The following RFX3 variants were observed in gnomAD, a reference collection of about 807,000 sequenced individuals.
The protein encoded by RFX3 is regulatory factor X3, also known as transcription factor RFX3.
In RFX3, 14 loss-of-function variants were observed where a neutral mutation model predicts 98.6. The observed-to-expected ratio is 0.14, with a 90% CI of 0.09 to 0.22. The LOEUF is 0.22. Among genes scored for constraint, RFX3 ranks in the 10% least tolerant of loss-of-function variants. The pLI is 1.00. For synonymous variants in RFX3, 383 were observed against 328.4 expected (o/e 1.17, Z -1.80); for missense variants, 639 against 926.9 (o/e 0.69, Z 4.03).
intron 4 of RFX3, among the ~76,000 whole-genome samples, chr9:3,325,092 A>G (rs935042867): frequency 3.3e-5 from 5 of 152,192 alleles, no homozygotes. Flanking sequence ...TGAATGTGCA[A>G]CTTAAGAATG....
intron 1 of RFX3, among the ~76,000 whole-genome samples, chr9:3,425,209 A>T (rs1843896379): frequency 6.6e-6 from 1 of 152,240 alleles, no homozygotes; most frequent in Admixed American, 6.5e-5. Context: ...ACTGCCCGCC[A>T]GCCTGGCAAC....
intron 1 of RFX3, among the ~76,000 whole-genome samples, chr9:3,446,599 T>A (rs1846074094): frequency 6.6e-6 from 1 of 151,440 alleles, no homozygotes; most frequent in African/African-American, 2.4e-5. Flanking sequence ...ATAATGAGAC[T>A]TCAAAAAAAA....
intron 5 of RFX3, among the ~76,000 whole-genome samples, chr9:3,295,114 T>G (rs992365277): frequency 1.3e-5 from 2 of 152,034 alleles, no homozygotes; most frequent in African/African-American, 2.4e-5. Context: ...ACATATTCAT[T>G]TAGTATAAAA....
intron 1 of RFX3, among the ~76,000 whole-genome samples, chr9:3,402,211 C>A (rs1841543032): frequency 6.6e-6 from 1 of 152,102 alleles, no homozygotes; most frequent in South Asian, 2.1e-4. Context: ...GTCTTTCATC[C>A]TGAAATAATT....
intron 1 of RFX3, among the ~76,000 whole-genome samples, chr9:3,452,961 G>A (rs977767414): frequency 1.4e-4 from 21 of 152,232 alleles, no homozygotes; most frequent in African/African-American, 4.1e-4. Context: ...TACCATAGCA[G>A]TCTTGGAATC....
At chr9:3,338,240 T>C (rs561603684) in intron 3 of RFX3, among the ~76,000 whole-genome samples, 6 of 152,376 alleles carry the variant, frequency 3.9e-5, no homozygotes, top group African/African-American at 1.2e-4. Context: ...CTTTCACTTA[T>C]ATTCAAAAGA....
chr9:3,455,974 T>C (rs1046982215), intron 1 of RFX3, among the ~76,000 whole-genome samples: 1 of 152,216 alleles, frequency 6.6e-6, no homozygotes, highest in Non-Finnish European at 1.5e-5. Flanking sequence ...CTGACAATCC[T>C]TGGCTGGAAG....
At chr9:3,495,982 G>A (rs534128076) in intron 1 of RFX3, among the ~76,000 whole-genome samples, 1 of 152,078 alleles carries the variant, frequency 6.6e-6, no homozygotes, top group African/African-American at 2.4e-5. Flanking sequence ...ATAGCTTTAA[G>A]GGGTGGGCCA....
chr9:3,464,419 T>C (rs532021571), intron 1 of RFX3, among the ~76,000 whole-genome samples: 35 of 152,250 alleles, frequency 2.3e-4, no homozygotes, highest in African/African-American at 6.7e-4. Context: ...AACAACCAAA[T>C]TGCGGTATAG....
chr9:3,460,767 A>T (rs1036802533), intron 1 of RFX3, among the ~76,000 whole-genome samples: 1 of 151,824 alleles, frequency 6.6e-6, no homozygotes, highest in Non-Finnish European at 1.5e-5. Context: ...AGAAAGCTTC[A>T]AAACACTGTA....
chr9:3,389,296 A>G (rs1383449358), intron 2 of RFX3, among the ~76,000 whole-genome samples: 4 of 152,156 alleles, frequency 2.6e-5, no homozygotes, highest in Middle Eastern at 3.2e-3. Context: ...ATCTACAAGA[A>G]ACTCTTTACC....
chr9:3,397,516 C>T (rs1345818191), intron 1 of RFX3, among the ~76,000 whole-genome samples: 1 of 152,162 alleles, frequency 6.6e-6, no homozygotes, highest in Non-Finnish European at 1.5e-5. Context: ...TATTCAATTT[C>T]AGAAACGGAC....
intron 1 of RFX3, among the ~76,000 whole-genome samples, chr9:3,474,042 T>G (rs1458710567): frequency 6.6e-6 from 1 of 152,150 alleles, no homozygotes; most frequent in African/African-American, 2.4e-5. Context: ...ACCAAAGAAT[T>G]TGCATGCTAT....
chr9:3,281,713 A>C (rs1825938216), intron 7 of RFX3, among the ~76,000 whole-genome samples: 2 of 151,814 alleles, frequency 1.3e-5, no homozygotes, highest in South Asian at 4.1e-4. Context: ...ACCTGTCACT[A>C]ACACAGAAAA....
chr9:3,330,623 G>T, intron 3 of RFX3, 106 bp from the exon 4 acceptor site: 1 of 1,036,802 alleles, frequency 9.6e-7, no homozygotes, highest in Non-Finnish European at 1.4e-6. Flanking sequence ...CTTAGCCTTT[G>T]CAACATGGCA....
At chr9:3,435,782 C>A (rs899469160) in intron 1 of RFX3, among the ~76,000 whole-genome samples, 2 of 127,440 alleles carry the variant, frequency 1.6e-5, no homozygotes, top group Admixed American at 9.0e-5. Flanking sequence ...TATCCTTATA[C>A]TTAAGAAGCA....
intron 1 of RFX3, among the ~76,000 whole-genome samples, chr9:3,508,964 C>CAG (rs924023190): frequency 6.6e-6 from 1 of 151,820 alleles, no homozygotes; most frequent in African/African-American, 2.4e-5. Context: ...CAGACACACA[C>CAG]ACACACACAC....
intron 1 of RFX3, among the ~76,000 whole-genome samples, chr9:3,509,915 T>A (rs1257848553): frequency 6.6e-6 from 1 of 152,016 alleles, no homozygotes; most frequent in East Asian, 1.9e-4. Context: ...ACCCTCAGTT[T>A]TCTTACCTAT....
At chr9:3,479,521 G>C (rs1265673224) in intron 1 of RFX3, among the ~76,000 whole-genome samples, 1 of 152,084 alleles carries the variant, frequency 6.6e-6, no homozygotes, top group Non-Finnish European at 1.5e-5. Context: ...AGATCTGTGA[G>C]ACAGGAAAAA....
Sources: allele counts gnomAD v4.1 joint callset (sites outside exome capture counted in the v4.1 genomes callset), GRCh38; gene constraint gnomAD v4.1.1; transcripts MANE v1.5; gene names NCBI Gene and HGNC (gene_info 2026-07-23, HGNC 2026-07-21).